Variants in CRACD observed in about 807,000 individuals in gnomAD.
CRACD encodes capping protein-inhibiting regulator of actin dynamics.
A neutral mutation model predicts 106.8 loss-of-function variants in CRACD; 56 were observed. The observed-to-expected ratio is 0.52, with a 90% confidence interval of 0.42 to 0.66. CRACD has a LOEUF of 0.66. Among genes scored for constraint, CRACD ranks in the 30% least tolerant of loss-of-function variants. The pLI is 0.00. For missense variants in CRACD, 1,730 were observed against 1,623.2 expected, an observed-to-expected ratio of 1.07 and a Z score of -1.13; for synonymous variants, 754 against 670.8, an observed-to-expected ratio of 1.12 and a Z score of -1.92.
chr4:56,253,768 T>C (rs1394956366), intron 2 of CRACD, among the ~76,000 whole-genome samples: 1 of 152,248 alleles, frequency 6.6e-6, no homozygotes, highest in African/African-American at 2.4e-5. Flanking sequence ...CTCCTGTGGC[T>C]GTCTTTGAGG....
chr4:56,077,896 G>A (rs1017913325), intron 1 of CRACD, among the ~76,000 whole-genome samples: 1 of 152,206 alleles, frequency 6.6e-6, no homozygotes, highest in Non-Finnish European at 1.5e-5. Flanking sequence ...TGCTTTGCCT[G>A]CAGGTATTTG....
chr4:56,204,517 G>A (rs1210181852), intron 2 of CRACD, among the ~76,000 whole-genome samples: 1 of 152,084 alleles, frequency 6.6e-6, no homozygotes, highest in Non-Finnish European at 1.5e-5. Flanking sequence ...TCTTGATAAT[G>A]GCATTAGCCC....
intron 2 of CRACD, among the ~76,000 whole-genome samples, chr4:56,223,040 TA>T (rs36000908): frequency 0.098 from 13,330 of 135,456 alleles, 648 homozygotes; most frequent in South Asian, 0.22. Flanking sequence ...CCAGTAAACT[TA>T]AAAAAAAAAA....
chr4:56,172,598 G>A (rs531829365), intron 1 of CRACD, among the ~76,000 whole-genome samples: 1 of 152,130 alleles, frequency 6.6e-6, no homozygotes, highest in East Asian at 1.9e-4. Flanking sequence ...GAGTAGCTGG[G>A]ATTACAGGCA....
intron 1 of CRACD, among the ~76,000 whole-genome samples, chr4:56,093,784 C>A (rs189712539): frequency 6.6e-5 from 10 of 152,298 alleles, no homozygotes; most frequent in African/African-American, 1.9e-4. Flanking sequence ...GCCCTTCTGG[C>A]CCAGGGCAAT....
rs144293177 is a variant in CRACD, at chr4:56,056,100, A to G, written c.-336+6801A>G. 8.4e-4 allele frequency among the ~76,000 whole-genome samples: 128 copies of G among 152,342 alleles called. 2 individuals carry two copies. The highest frequency in any genetic ancestry group is 3.1e-3 in the African/African-American group (127 of 41,586). On this transcript the variant is annotated intron_variant, in intron 1 of 10. Transcript: ENST00000682029. The stretch of plus-strand genomic sequence containing the variant: ...TTATGATTTTTGAGATGTCTCATTC[A>G]TTCAGTAGTTATACTTTGTTCTGAG...
chr4:56,103,599 G>A (rs73240514), intron 1 of CRACD, among the ~76,000 whole-genome samples: 5,765 of 152,212 alleles, frequency 0.038, 151 homozygotes, highest in Non-Finnish European at 0.052. Context: ...TTCTATCTAT[G>A]ACTAATTATT....
At chr4:56,117,526 G>T (rs955008479) in intron 1 of CRACD, among the ~76,000 whole-genome samples, 4 of 151,814 alleles carry the variant, frequency 2.6e-5, no homozygotes, top group Non-Finnish European at 1.5e-5. Flanking sequence ...AGGGGGTGGG[G>T]GGAGGAAAAT....
rs1734080270 is a variant in CRACD, at chr4:56,110,411, T to C, written c.-336+61112T>C. 2.6e-5 allele frequency among the ~76,000 whole-genome samples: 4 copies of C among 152,024 alleles called. No homozygotes were observed. The South Asian group carries it at 6.2e-4, about 24-fold the overall frequency. ...AGAGGAAAACATGGAAACCAGGAAATAGTGCATTTACCATGAAAGTGAGGT... is the reference window on the plus strand; with the variant it reads ...AGAGGAAAACATGGAAACCAGGAAACAGTGCATTTACCATGAAAGTGAGGT... On this transcript the variant is annotated intron_variant, in intron 1 of 10. Coordinates refer to ENST00000682029, the MANE Select transcript of CRACD (RefSeq NM_001393381.1).
intron 2 of CRACD, among the ~76,000 whole-genome samples, chr4:56,196,982 A>G (rs938490888): frequency 1.3e-5 from 2 of 152,130 alleles, no homozygotes; most frequent in African/African-American, 4.8e-5. Flanking sequence ...TCAGTATATC[A>G]TCTATTATAG....
At chr4:56,263,085 A>G (rs1048590150) in intron 2 of CRACD, among the ~76,000 whole-genome samples, 1 of 152,192 alleles carries the variant, frequency 6.6e-6, no homozygotes, top group African/African-American at 2.4e-5. Flanking sequence ...AGGGGCTACC[A>G]CACTCTTTGT....
At chr4:56,266,232 T>G (rs1383573143) in intron 2 of CRACD, among the ~76,000 whole-genome samples, 2 of 152,164 alleles carry the variant, frequency 1.3e-5, no homozygotes, top group African/African-American at 4.8e-5. Context: ...ATTAAGAAAA[T>G]GTGGCAAACA....
intron 2 of CRACD, among the ~76,000 whole-genome samples, chr4:56,268,500 G>A (rs993150575): frequency 6.6e-6 from 1 of 152,062 alleles, no homozygotes. Flanking sequence ...TAGAAATTTG[G>A]GGGTTTGATA....
intron 2 of CRACD, among the ~76,000 whole-genome samples, chr4:56,220,318 C>A (rs768909500): frequency 1.3e-5 from 2 of 152,206 alleles, no homozygotes; most frequent in Non-Finnish European, 2.9e-5. Flanking sequence ...TTGTGATTTC[C>A]AGTCTCTGCT....
chr4:56,267,289 T>A (rs1331565269), intron 2 of CRACD, among the ~76,000 whole-genome samples: 1 of 151,952 alleles, frequency 6.6e-6, no homozygotes, highest in African/African-American at 2.4e-5. Flanking sequence ...CCCAGCTAAT[T>A]TTTTTTGTAT....
At chr4:56,112,806 T>A (rs1224994629) in intron 1 of CRACD, among the ~76,000 whole-genome samples, 1 of 152,060 alleles carries the variant, frequency 6.6e-6, no homozygotes, top group Non-Finnish European at 1.5e-5. Flanking sequence ...CTGGCATTTC[T>A]CTTCAGGGAA....
chr4:56,186,723 T>C (rs1384323372), intron 2 of CRACD, among the ~76,000 whole-genome samples: 1 of 152,260 alleles, frequency 6.6e-6, no homozygotes, highest in South Asian at 2.1e-4. Flanking sequence ...CAGAGAACTG[T>C]AAGTAGTTGT....
chr4:56,315,596 T>C lies in CRACD; in HGVS notation c.2094T>C (p.Thr698=). The C allele has an allele frequency of 6.2e-7, 1 of 1,613,992 alleles. No homozygotes were observed. The highest frequency in any genetic ancestry group is 8.5e-7 in the Non-Finnish European group (1 of 1,179,960). ...AGTTGAGGCCCGGTGATGAGTCCAC[T>C]CCCAGGGGCCGGTGTGATTCCCGCG... ...RDQLRPGDES[T]PRGRCDSRGN... The change falls in exon 8 of 11, where the codon ACT becomes ACC. Residue 698 remains threonine, a synonymous_variant. Coordinates refer to ENST00000682029, the MANE Select transcript of CRACD (RefSeq NM_001393381.1). This position sits in a 1 kb window ranked among gnomAD's most constrained non-coding sequence, Gnocchi z 4.1.
At chr4:56,233,297 G>A (rs941839863) in intron 2 of CRACD, among the ~76,000 whole-genome samples, 1 of 152,004 alleles carries the variant, frequency 6.6e-6, no homozygotes, top group Non-Finnish European at 1.5e-5. Flanking sequence ...TTTAGTTTTA[G>A]AGACAGGGCC....
Sources: allele counts gnomAD v4.1 joint callset (sites outside exome capture counted in the v4.1 genomes callset), GRCh38; gene constraint gnomAD v4.1.1; non-coding constraint Gnocchi (gnomAD v3.1); transcripts MANE v1.5; gene names NCBI Gene and HGNC (gene_info 2026-07-23, HGNC 2026-07-21).